The following TOGARAM2 variants were observed in gnomAD, a reference collection of about 807,000 sequenced individuals.
The protein encoded by TOGARAM2 is TOG array regulator of axonemal microtubules 2, also known as TOG array regulator of axonemal microtubules protein 2.
TOGARAM2 carries 85 observed loss-of-function variants against 93.3 expected under a neutral mutation model. The ratio of observed to expected loss-of-function variants is 0.91; its 90% CI spans 0.76 to 1.09. The LOEUF is 1.09. Ranked by LOEUF, TOGARAM2 falls within the 50% of genes least tolerant of loss-of-function variation. TOGARAM2 has a pLI of 0.00. For missense variants in TOGARAM2, 1,277 were observed against 1,334.5 expected, an observed-to-expected ratio of 0.96 and a Z score of 0.67; for synonymous variants, 593 against 552.8, an observed-to-expected ratio of 1.07 and a Z score of -1.02.
rs1056281961 is a variant in TOGARAM2, at chr2:28,988,593, C to T, written c.-110-6132C>T. ...TGAACACGCTCTAGAATCTCCTACC[C>T]TGAAAAATACAGAGAACAAACAAGC... On this transcript the variant is annotated intron_variant, in intron 1 of 19. Transcript: ENST00000379558. Among the ~76,000 whole-genome samples the T allele has an allele frequency of 2.6e-5, 4 of 152,266 alleles. No homozygotes were observed. The East Asian group carries it at 5.8e-4, about 22-fold the overall frequency.
chr2:28,999,493 C>T (rs1323357236), intron 4 of TOGARAM2, 25 bp downstream of exon 4: 1 of 1,556,554 alleles, frequency 6.4e-7, no homozygotes, highest in South Asian at 1.2e-5. Flanking sequence ...CTGCCCACCC[C>T]TCACCCACCC....
intron 6 of TOGARAM2, among the ~76,000 whole-genome samples, chr2:29,009,618 G>A (rs904174393): frequency 6.6e-6 from 1 of 152,112 alleles, no homozygotes; most frequent in Admixed American, 6.6e-5. Context: ...CGGGGTTCCT[G>A]GCTTCAGCCA....
At position 29,003,514 on chromosome 2, in the gene TOGARAM2, T is replaced by G; in HGVS notation, c.662T>G (p.Leu221Arg). The G allele has an allele frequency of 6.4e-7, 1 of 1,566,862 alleles. No individual in the cohort carries two copies. Among genetic ancestry groups the G allele is most frequent in the Non-Finnish European group, 8.6e-7 (1 of 1,157,262 alleles). ...AQEAQISWQY[L>R]HCNDEKMQKS... Reference sequence around the variant, plus strand: ...CAGGCGCAGATCTCCTGGCAATACCTGCACTGCAATGATGAGAAGATGCAG... The same window carrying G: ...CAGGCGCAGATCTCCTGGCAATACCGGCACTGCAATGATGAGAAGATGCAG... The change falls in exon 6 of 20, where the codon CTG becomes CGG. Residue 221 changes from leucine (L) to arginine (R), a missense_variant. By Grantham distance (102) the Leu-to-Arg change is moderately radical (BLOSUM62 -2). Transcript: ENST00000379558.
chr2:28,970,970 TGAG>T (rs1671941001), intron 1 of TOGARAM2: 1 of 152,204 alleles, frequency 6.6e-6, no homozygotes, highest in Non-Finnish European at 1.5e-5. Flanking sequence ...CTCATCTCCT[TGAG>T]GAGGAAGTGT....
At chr2:28,993,611 G>T (rs1379879388) in intron 1 of TOGARAM2, among the ~76,000 whole-genome samples, 4 of 152,234 alleles carry the variant, frequency 2.6e-5, no homozygotes, top group African/African-American at 4.8e-5. Context: ...CTCCCTGGTT[G>T]TGAGGAAAAT....
intron 6 of TOGARAM2, among the ~76,000 whole-genome samples, chr2:29,005,943 G>A (rs555727901): frequency 1.4e-5 from 2 of 142,318 alleles, no homozygotes; most frequent in African/African-American, 5.2e-5. Context: ...TGTGTGTGGG[G>A]TATGTGTGCA....
At chr2:29,026,787 T>G (rs1665401546) in intron 13 of TOGARAM2, 66 bp from the exon 14 acceptor site, 1 of 1,424,314 alleles carries the variant, frequency 7.0e-7, no homozygotes. Context: ...AGATCCATGT[T>G]TGCCAGCCTG....
rs752786793 is a variant in TOGARAM2 at position 29,051,839 on chromosome 2, G to C, written c.2806G>C (p.Ala936Pro). The C allele has an allele frequency of 1.9e-6, 3 of 1,566,376 alleles. No homozygotes were observed. The highest frequency in any genetic ancestry group is 2.4e-5 in the South Asian group (2 of 84,982). The stretch of plus-strand genomic sequence containing the variant: ...CATCCTCTGGCACTTCCTGAACACC[G>C]CCACCAGGAATGGCACCCTGCCTGG... ...LPILWHFLNT[A>P]TRNGTLPGPS... Residue 936 changes from alanine to proline, a missense_variant, in exon 20 of 20, where the codon GCC becomes CCC. Ala to Pro is a conservative substitution (Grantham distance 27). Transcript: ENST00000379558.
rs1572743983 is a variant in TOGARAM2, at chr2:29,027,013, T to G, written c.2012+2T>G. 6.4e-7 allele frequency: 1 copy of G among 1,555,744 alleles called. No individual in the cohort carries two copies. Among genetic ancestry groups the G allele is most frequent in the Non-Finnish European group, 8.7e-7 (1 of 1,149,126 alleles). ...ACAGGACTCCAACCAGGACACCAGG[T>G]AGGGCAGGGCCAGGGGCCTGGGGGC... On this transcript the variant is annotated splice_donor_variant, in intron 14 of 19. Coordinates refer to ENST00000379558, the MANE Select transcript of TOGARAM2 (RefSeq NM_199280.4). LOFTEE classifies it high-confidence loss of function.
At chr2:28,968,815 C>CA (rs58495032) in intron 1 of TOGARAM2, among the ~76,000 whole-genome samples, 1,488 of 41,660 alleles carry the variant, frequency 0.036, 77 homozygotes, top group African/African-American at 0.11. Flanking sequence ...GAGACTCTGT[C>CA]AAAAAAAAAA....
chr2:29,042,600 A>G (rs1381748346), intron 18 of TOGARAM2, among the ~76,000 whole-genome samples: 1 of 152,212 alleles, frequency 6.6e-6, no homozygotes, highest in South Asian at 2.1e-4. Context: ...TCTCTGCAGC[A>G]GCTTACTCTC....
chr2:29,033,319 G>A lies in TOGARAM2; in HGVS notation c.2131-150G>A, dbSNP rs57959957. On this transcript the variant is annotated intron_variant, in intron 15 of 19. Coordinates refer to ENST00000379558, the MANE Select transcript of TOGARAM2 (RefSeq NM_199280.4). Reference sequence around the variant, plus strand: ...AGGGATCTTGATCTCTGCCCCAGCTGCTTTCAGGGCTCTGGAAGGCTCAAC... The same window carrying A: ...AGGGATCTTGATCTCTGCCCCAGCTACTTTCAGGGCTCTGGAAGGCTCAAC... The A allele has an allele frequency of 0.019, 14,823 of 767,126 alleles. 1,317 individuals are homozygous for A. The African/African-American group carries it at 0.21, about 11-fold the overall frequency. The allele number at this position is 767,126 out of a possible 1,614,324, so 47.5% of individuals were successfully genotyped here. A position where few individuals can be genotyped will look rare whatever the true frequency, so the allele number is the denominator to read the frequency against.
chr2:29,035,211 C>T (rs2148375934), intron 16 of TOGARAM2, among the ~76,000 whole-genome samples: 1 of 151,544 alleles, frequency 6.6e-6, no homozygotes, highest in Admixed American at 6.6e-5. Flanking sequence ...CACTTCCTCA[C>T]TCTGACTTCC....
chr2:28,986,832 A>G (rs183616234), intron 1 of TOGARAM2, among the ~76,000 whole-genome samples: 8 of 152,254 alleles, frequency 5.3e-5, no homozygotes, highest in African/African-American at 1.9e-4. Flanking sequence ...CCTTGGGCCC[A>G]ATCAGCCTAT....
chr2:29,005,937 TGTGGG>T, intron 6 of TOGARAM2, among the ~76,000 whole-genome samples: 2 of 145,908 alleles, frequency 1.4e-5, no homozygotes, highest in Admixed American at 6.8e-5. Flanking sequence ...GGAGTGTGTG[TGTGGG>T]GTATGTGTGC....
chr2:29,029,802 A>C (rs1401242028), intron 14 of TOGARAM2, among the ~76,000 whole-genome samples: 1 of 151,682 alleles, frequency 6.6e-6, no homozygotes, highest in African/African-American at 2.4e-5. Context: ...CTCAGGAGGA[A>C]CTAGTGGCAA....
At chr2:28,966,500 G>T (rs1200794726) in intron 1 of TOGARAM2, among the ~76,000 whole-genome samples, 2 of 151,928 alleles carry the variant, frequency 1.3e-5, no homozygotes, top group African/African-American at 4.8e-5. Flanking sequence ...GTTTCACCAT[G>T]TTGGCCAGGA....
chr2:28,995,177 T>C (rs1047448606), intron 2 of TOGARAM2, among the ~76,000 whole-genome samples: 6 of 152,272 alleles, frequency 3.9e-5, no homozygotes, highest in Admixed American at 2.0e-4. Context: ...GTTATGTGGA[T>C]GGGCAGGGGA....
At chr2:29,022,702 T>C (rs1665037842) in intron 11 of TOGARAM2, among the ~76,000 whole-genome samples, 1 of 152,198 alleles carries the variant, frequency 6.6e-6, no homozygotes, top group African/African-American at 2.4e-5. Flanking sequence ...AGGACCGTAG[T>C]CATGAGCAAA....
Sources: gnomAD v4.1 joint callset for allele counts (sites outside exome capture counted in the v4.1 genomes callset) on GRCh38, gnomAD v4.1.1 for gene constraint, MANE v1.5 for transcripts, NCBI Gene and HGNC (gene_info 2026-07-23, HGNC 2026-07-21) for gene names.